ARHGAP26: variants seen among roughly 807,000 people sequenced by gnomAD.
ARHGAP26 encodes Rho GTPase activating protein 26.
ARHGAP26 carries 38 observed loss-of-function variants against 104.8 expected under a neutral mutation model. The observed-to-expected ratio is 0.36, with a 90% CI of 0.28 to 0.48. The LOEUF (loss-of-function observed/expected upper bound fraction) is 0.48. ARHGAP26 is among the 20% of genes least tolerant of loss of function. The probability of loss-of-function intolerance (pLI) is 0.99; values close to 1 mark genes in which losing one functional copy is unlikely to be tolerated. For synonymous variants in ARHGAP26, 341 were observed against 340.0 expected, an observed-to-expected ratio of 1.00 and a Z score of -0.03; for missense variants, 704 against 947.9, an observed-to-expected ratio of 0.74 and a Z score of 3.38.
At chr5:142,976,761 C>T (rs950021968) in intron 11 of ARHGAP26, among the ~76,000 whole-genome samples, 3 of 152,122 alleles carry the variant, frequency 2.0e-5, no homozygotes, top group African/African-American at 7.2e-5. Flanking sequence ...CTCTTAAAAG[C>T]GAGCATATCA....
chr5:142,987,980 C>T (rs1331278307), intron 11 of ARHGAP26, among the ~76,000 whole-genome samples: 1 of 152,130 alleles, frequency 6.6e-6, no homozygotes, highest in East Asian at 1.9e-4. Context: ...CTCTGCCAGG[C>T]TTTGGTATCA....
chr5:143,014,418 C>T (rs1188308049), intron 12 of ARHGAP26: 14 of 387,492 alleles, frequency 3.6e-5, no homozygotes, highest in Non-Finnish European at 6.1e-5. Context: ...GACTATAGCT[C>T]GTCACCACTT....
intron 17 of ARHGAP26, among the ~76,000 whole-genome samples, chr5:143,061,273 A>T (rs994955007): frequency 6.6e-6 from 1 of 152,196 alleles, no homozygotes; most frequent in South Asian, 2.1e-4. Flanking sequence ...TCTTATAATC[A>T]TAGAGGAAAT....
intron 19 of ARHGAP26, among the ~76,000 whole-genome samples, chr5:143,142,863 T>C (rs1798726376): frequency 6.6e-6 from 1 of 152,236 alleles, no homozygotes; most frequent in Non-Finnish European, 1.5e-5. Context: ...CTTTAACAAG[T>C]AGGAGAAAGT....
At chr5:143,130,834 G>A (rs758074345) in intron 18 of ARHGAP26, among the ~76,000 whole-genome samples, 3 of 152,330 alleles carry the variant, frequency 2.0e-5, no homozygotes, top group African/African-American at 4.8e-5. Context: ...AGTTTGTGTC[G>A]TCTGCCCTGA....
chr5:142,889,029 G>A (rs1168976007), intron 5 of ARHGAP26, among the ~76,000 whole-genome samples: 2 of 152,192 alleles, frequency 1.3e-5, no homozygotes, highest in African/African-American at 4.8e-5. Flanking sequence ...GGATGTGATG[G>A]ATTCTGTGGC....
intron 11 of ARHGAP26, among the ~76,000 whole-genome samples, chr5:142,996,610 G>A (rs1026950038): frequency 3.3e-5 from 5 of 152,166 alleles, no homozygotes; most frequent in African/African-American, 1.2e-4. Flanking sequence ...CTTGTTCACA[G>A]GTTTTAAGGT....
intron 1 of ARHGAP26, among the ~76,000 whole-genome samples, chr5:142,863,165 C>T (rs891116589): frequency 6.7e-6 from 1 of 150,098 alleles, no homozygotes; most frequent in African/African-American, 2.5e-5. Context: ...GGCTGGAGTG[C>T]TATGGCACGA....
intron 17 of ARHGAP26, among the ~76,000 whole-genome samples, chr5:143,064,416 T>G (rs1044187915): frequency 6.7e-6 from 1 of 149,516 alleles, no homozygotes; most frequent in Non-Finnish European, 1.5e-5. Flanking sequence ...TTTTTTTTTC[T>G]CCTGGAAGAT....
chr5:143,185,070 A>C (rs375701591), intron 20 of ARHGAP26, among the ~76,000 whole-genome samples: 1 of 152,160 alleles, frequency 6.6e-6, no homozygotes, highest in South Asian at 2.1e-4. Context: ...ATGGTTGGGT[A>C]GTTTTCACAC....
chr5:142,787,163 G>A (rs749197058), intron 1 of ARHGAP26, among the ~76,000 whole-genome samples: 3 of 152,142 alleles, frequency 2.0e-5, no homozygotes, highest in South Asian at 2.1e-4. Flanking sequence ...CTGCTTAGCC[G>A]TTCTGATGGG....
intron 1 of ARHGAP26, among the ~76,000 whole-genome samples, chr5:142,815,567 T>C (rs1340874162): frequency 6.6e-6 from 1 of 152,256 alleles, no homozygotes; most frequent in East Asian, 1.9e-4. Context: ...TCTTATTCAC[T>C]GCACACATTT....
chr5:142,981,761 C>T (rs548812994), intron 11 of ARHGAP26, among the ~76,000 whole-genome samples: 2 of 152,218 alleles, frequency 1.3e-5, no homozygotes, highest in Non-Finnish European at 2.9e-5. Context: ...AGCCCAAAAC[C>T]AAACTGGAGT....
chr5:142,972,182 A>C (rs910541318), intron 11 of ARHGAP26, among the ~76,000 whole-genome samples: 16 of 46,632 alleles, frequency 3.4e-4, no homozygotes, highest in Non-Finnish European at 4.6e-4. Context: ...ATTCCATCTA[A>C]AAAAAAAAAA....
At chr5:143,068,343 A>T (rs1415452599) in intron 17 of ARHGAP26, among the ~76,000 whole-genome samples, 1 of 152,148 alleles carries the variant, frequency 6.6e-6, no homozygotes, top group Non-Finnish European at 1.5e-5. Flanking sequence ...TGATCATCTC[A>T]GATGTTGCTT....
chr5:142,863,691 G>T (rs1597972061), intron 1 of ARHGAP26, among the ~76,000 whole-genome samples: 2 of 152,130 alleles, frequency 1.3e-5, no homozygotes, highest in African/African-American at 4.8e-5. Context: ...GGAGGGTGTG[G>T]TGCCTGGATC....
intron 11 of ARHGAP26, among the ~76,000 whole-genome samples, chr5:142,979,882 C>G (rs1238426650): frequency 6.6e-6 from 1 of 152,196 alleles, no homozygotes; most frequent in Non-Finnish European, 1.5e-5. Context: ...AATCCCTGGC[C>G]AGCAGCTGGA....
At chr5:142,807,733 T>C (rs1597708758) in intron 1 of ARHGAP26, among the ~76,000 whole-genome samples, 1 of 152,302 alleles carries the variant, frequency 6.6e-6, no homozygotes, top group East Asian at 1.9e-4. Flanking sequence ...GTGCCTGCCC[T>C]GGTGCTCATG....
At chr5:142,974,218 T>A (rs558398636) in intron 11 of ARHGAP26, among the ~76,000 whole-genome samples, 104 of 151,386 alleles carry the variant, frequency 6.9e-4, no homozygotes, top group South Asian at 1.3e-3. Flanking sequence ...TTTTTTTTTT[T>A]AAATATCTGA....
Sources: allele counts gnomAD v4.1 joint callset (sites outside exome capture counted in the v4.1 genomes callset), GRCh38; gene constraint gnomAD v4.1.1; transcripts MANE v1.5; gene names NCBI Gene and HGNC (gene_info 2026-07-23, HGNC 2026-07-21).